The following WDTC1 variants were observed in gnomAD, a reference collection of about 807,000 sequenced individuals.
WDTC1 encodes the protein WD and tetratricopeptide repeats protein 1.
A neutral mutation model predicts 76.0 loss-of-function variants in WDTC1; 12 were observed. That is an observed-to-expected ratio of 0.16 (90% CI 0.10 to 0.26). WDTC1 has a LOEUF of 0.26. Among genes scored for constraint, WDTC1 ranks in the 10% least tolerant of loss-of-function variants. The pLI is 1.00. For missense variants in WDTC1, 511 were observed against 908.8 expected, an observed-to-expected ratio of 0.56 and a Z score of 5.63; for synonymous variants, 326 against 350.8, an observed-to-expected ratio of 0.93 and a Z score of 0.79.
rs146713030 is a variant in WDTC1 at position 27,241,965 on chromosome 1, C to G, written c.-100+7014C>G. On this transcript the variant is annotated intron_variant, in intron 1 of 15. Transcript: ENST00000319394. ...GGAGTGCAGTGGTGCAATCTTGGCT[C>G]ACTGCAGCCTCAGGCTCCTGGGTTC... 1.1e-3 allele frequency among the ~76,000 whole-genome samples: 167 copies of G among 151,230 alleles called. 3 individuals carry two copies. In the East Asian group the frequency reaches 0.03, roughly 27 times the overall value.
intron 1 of WDTC1, among the ~76,000 whole-genome samples, chr1:27,245,471 T>C (rs1194423785): frequency 6.6e-6 from 1 of 151,284 alleles, no homozygotes; most frequent in African/African-American, 2.4e-5. Flanking sequence ...CAGCTCAAGG[T>C]AGGAGACAGA....
Position 27,296,349 on chromosome 1 carries a change from C to T in WDTC1, c.897C>T (p.Tyr299=). ...AGGTCTATTTGTTTGACTTGACTTA[C>T]AAGCAGCGGCCGTACACCTTCCTCT... ...GEQVYLFDLT[Y]KQRPYTFLLP... The change falls in exon 10 of 16, where the codon TAC becomes TAT. Residue 299 remains tyrosine, a synonymous_variant. Coordinates refer to ENST00000319394, the MANE Select transcript of WDTC1 (RefSeq NM_001276252.2). The T allele has an allele frequency of 3.7e-6, 6 of 1,614,090 alleles. No homozygotes were observed. The highest frequency in any genetic ancestry group is 5.1e-6 in the Non-Finnish European group (6 of 1,180,024).
At chr1:27,260,851 C>A in intron 1 of WDTC1, 105 bp from the exon 2 acceptor site, 1 of 605,368 alleles carries the variant, frequency 1.7e-6, no homozygotes, top group Non-Finnish European at 2.9e-6. Flanking sequence ...CCACAAATGA[C>A]AGGCAAGGGC....
Position 27,263,247 on chromosome 1 carries a change from A to C in WDTC1, c.132+12A>C. 1 of 1,611,348 alleles carries C rather than the reference A, an allele frequency of 6.2e-7. No homozygotes were observed. The highest frequency in any genetic ancestry group is 1.7e-5 in the Admixed American group (1 of 59,568). On this transcript the variant is annotated intron_variant, in intron 3 of 15. Coordinates refer to ENST00000319394, the MANE Select transcript of WDTC1 (RefSeq NM_001276252.2). ...AAGCAGAGCTGCAGGTAAGAGATCC[A>C]GTTTGCACCTTAGATGCAGATGGCC...
chr1:27,251,260 A>G (rs969501086), intron 1 of WDTC1, among the ~76,000 whole-genome samples: 3 of 151,536 alleles, frequency 2.0e-5, no homozygotes, highest in African/African-American at 4.8e-5. Context: ...GTTTTCCAGT[A>G]TTCTAAGTTA....
chr1:27,301,412 T>C lies in WDTC1; in HGVS notation c.1419T>C (p.Asp473=). 2 of 1,614,112 alleles carry C rather than the reference T, an allele frequency of 1.2e-6. No homozygotes were observed. Among genetic ancestry groups the C allele is most frequent in the Non-Finnish European group, 1.7e-6 (2 of 1,180,032 alleles). Reference sequence around the variant, plus strand: ...AGCAGGCCCACAGCAGCGCTTGTGATGCATTGGGCCGCGACATCACAGCTG... The same window carrying C: ...AGCAGGCCCACAGCAGCGCTTGTGACGCATTGGGCCGCGACATCACAGCTG... ...FPEQAHSSAC[D]ALGRDITAAL... is the part of the protein sequence containing the mutation. The change falls in exon 13 of 16, where the codon GAT becomes GAC. Residue 473 remains aspartate, a synonymous_variant. Transcript: ENST00000319394. The surrounding 1 kb of genome is among the most constrained non-coding windows in gnomAD (Gnocchi z 5.8).
chr1:27,299,350 G>A (rs2013775048), intron 12 of WDTC1, among the ~76,000 whole-genome samples: 1 of 152,152 alleles, frequency 6.6e-6, no homozygotes, highest in African/African-American at 2.4e-5. Context: ...AGTGAGTCTT[G>A]TGAATGGTCA....
chr1:27,265,903 C>T (rs114237439), intron 3 of WDTC1, among the ~76,000 whole-genome samples: 5,298 of 151,874 alleles, frequency 0.035, 128 homozygotes, highest in Middle Eastern at 0.051. Context: ...GCCAAGATCT[C>T]GCCATTGCAC....
intron 3 of WDTC1, among the ~76,000 whole-genome samples, chr1:27,278,772 T>C (rs1429405962): frequency 6.6e-6 from 1 of 152,254 alleles, no homozygotes; most frequent in Non-Finnish European, 1.5e-5. Context: ...ACCTCAAATA[T>C]TAATTCCTCA....
intron 8 of WDTC1, 93 bp from the exon 9 acceptor site, chr1:27,294,421 A>G: frequency 8.7e-7 from 1 of 1,144,072 alleles, no homozygotes; most frequent in East Asian, 2.4e-5. Context: ...GCTAAAGTTG[A>G]TTGGTATAAT....
At chr1:27,283,693 G>T (rs974749089) in intron 5 of WDTC1, among the ~76,000 whole-genome samples, 1 of 152,158 alleles carries the variant, frequency 6.6e-6, no homozygotes, top group African/African-American at 2.4e-5. Context: ...GGTAGTGGTG[G>T]GGGTATGGTT....
intron 1 of WDTC1, among the ~76,000 whole-genome samples, chr1:27,252,638 A>G (rs1279151193): frequency 1.3e-5 from 2 of 151,810 alleles, no homozygotes; most frequent in Non-Finnish European, 2.9e-5. Context: ...TCTCTGCAAA[A>G]AATACAAAAA....
At chr1:27,236,454 T>C (rs6665155) in intron 1 of WDTC1, among the ~76,000 whole-genome samples, 8,322 of 152,248 alleles carry the variant, frequency 0.055, 801 homozygotes, top group African/African-American at 0.19. Flanking sequence ...TCGAGTCTTA[T>C]CTCAATTTGA....
chr1:27,238,228 A>G (rs539784149), intron 1 of WDTC1, among the ~76,000 whole-genome samples: 1 of 152,278 alleles, frequency 6.6e-6, no homozygotes, highest in African/African-American at 2.4e-5. Flanking sequence ...CATGAAGAAG[A>G]ACTGAAAAGA....
intron 1 of WDTC1, among the ~76,000 whole-genome samples, chr1:27,247,914 C>T (rs2147910844): frequency 6.6e-6 from 1 of 152,084 alleles, no homozygotes; most frequent in Middle Eastern, 3.4e-3. Flanking sequence ...GACGGGGTTT[C>T]TCCACGTTGG....
At position 27,305,798 on chromosome 1, in the gene WDTC1, G is replaced by A. The variant is rs1271449013; in HGVS notation, c.1837-388G>A. On this transcript the variant is annotated intron_variant, in intron 15 of 15. Transcript: ENST00000319394. This position sits in a 1 kb window ranked among gnomAD's most constrained non-coding sequence, Gnocchi z 4.6. Reference sequence around the variant, plus strand: ...CCCCTATAGGCTTCCCCATTGAGAGGAGAGGAGAAAGAAAGATGAAGCAAG... The same window carrying A: ...CCCCTATAGGCTTCCCCATTGAGAGAAGAGGAGAAAGAAAGATGAAGCAAG... Among the ~76,000 whole-genome samples, 2 of 152,138 alleles carry A rather than the reference G, an allele frequency of 1.3e-5. No individual in the cohort carries two copies. The highest frequency in any genetic ancestry group is 4.8e-5 in the African/African-American group (2 of 41,414).
rs2012459359 is a variant in WDTC1, at chr1:27,260,961, T to A, written c.-94T>A. On this transcript the variant is annotated 5_prime_UTR_variant, in exon 2 of 16. Coordinates refer to ENST00000319394, the MANE Select transcript of WDTC1 (RefSeq NM_001276252.2). ...TGATGATTTTTTTCCCCCAGGTAAT[T>A]AAATGTGTATTTTGTGGACCTGGGC... 1.4e-6 allele frequency: 2 copies of A among 1,379,844 alleles called. No homozygotes were observed. Among genetic ancestry groups the A allele is most frequent in the East Asian group, 4.6e-5 (2 of 43,114 alleles). 85.5% of individuals were successfully genotyped at this position (1,379,844 alleles called of 1,614,324 possible). A position where few individuals can be genotyped will look rare whatever the true frequency, so the allele number is the denominator to read the frequency against.
chr1:27,275,617 C>CA (rs1195961573), intron 3 of WDTC1, among the ~76,000 whole-genome samples: 3,621 of 89,228 alleles, frequency 0.041, 91 homozygotes, highest in African/African-American at 0.094. Flanking sequence ...GACTCTGTCT[C>CA]AAAAAAAAAA....
At chr1:27,253,499 CTTCT>C (rs1296062211) in intron 1 of WDTC1, among the ~76,000 whole-genome samples, 53 of 139,516 alleles carry the variant, frequency 3.8e-4, no homozygotes, top group Middle Eastern at 3.6e-3. Context: ...CTTCTTTCTT[CTTCT>C]TTCTTTCTTT....
Sources: gnomAD v4.1 joint callset for allele counts (sites outside exome capture counted in the v4.1 genomes callset) on GRCh38, gnomAD v4.1.1 for gene constraint, Gnocchi (gnomAD v3.1) non-coding constraint, MANE v1.5 for transcripts, NCBI Gene and HGNC (gene_info 2026-07-23, HGNC 2026-07-21) for gene names.